Variants in SPRED3 observed in about 807,000 individuals in gnomAD.
SPRED3 encodes the protein sprouty related EVH1 domain containing 3.
In SPRED3, 23 loss-of-function variants were observed where a neutral mutation model predicts 37.6. The observed-to-expected ratio is 0.61, with a 90% CI of 0.44 to 0.87. The LOEUF (loss-of-function observed/expected upper bound fraction) is 0.87, where lower values mean the gene tolerates loss of function less well. Ranked by LOEUF, SPRED3 falls within the 40% of genes least tolerant of loss-of-function variation. The probability of loss-of-function intolerance (pLI) is 0.00; values close to 1 mark genes in which losing one functional copy is unlikely to be tolerated. For missense variants in SPRED3, 584 were observed against 618.6 expected, an observed-to-expected ratio of 0.94 and a Z score of 0.59; for synonymous variants, 302 against 279.6, an observed-to-expected ratio of 1.08 and a Z score of -0.80.
At chr19:38,393,185 G>A (rs1174184669) in intron 4 of SPRED3, among the ~76,000 whole-genome samples, 1 of 152,146 alleles carries the variant, frequency 6.6e-6, no homozygotes, top group African/African-American at 2.4e-5. Context: ...TTCTTTCAAG[G>A]CTTTATACAA....
intron 2 of SPRED3, among the ~76,000 whole-genome samples, chr19:38,391,177 T>C (rs1383423069): frequency 1.3e-5 from 2 of 151,452 alleles, no homozygotes; most frequent in Admixed American, 6.6e-5. Context: ...TGAAGGGGAA[T>C]CTGTGGAAGT....
chr19:38,391,402 A>G (rs1970831417), intron 2 of SPRED3, among the ~76,000 whole-genome samples: 1 of 152,148 alleles, frequency 6.6e-6, no homozygotes, highest in South Asian at 2.1e-4. Flanking sequence ...AGGATTCACA[A>G]TAATATTGTG....
At chr19:38,390,730 C>T (rs144127165) in intron 2 of SPRED3, among the ~76,000 whole-genome samples, 152 of 151,410 alleles carry the variant, frequency 1.0e-3, no homozygotes, top group African/African-American at 3.5e-3. Context: ...TCCTCCTCCC[C>T]GCTCCAACCC....
rs1970879013 is a variant in SPRED3, at chr19:38,395,110, G to A, written c.567+324G>A. Among the ~76,000 whole-genome samples, 1 of 152,166 alleles carries A rather than the reference G, an allele frequency of 6.6e-6. No homozygotes were observed. Among genetic ancestry groups the A allele is most frequent in the Admixed American group, 6.5e-5 (1 of 15,276 alleles). On this transcript the variant is annotated intron_variant, in intron 5 of 5. Transcript: ENST00000691638. This position sits in a 1 kb window ranked among gnomAD's most constrained non-coding sequence, Gnocchi z 5.2. ...GGAAGAGGACTGTTAAATTCACGGG[G>A]AGGGTGGGAGAGTCGGTACCCAGAA...
In SPRED3 at chr19:38,395,875, G is replaced by A. The variant is rs758268599; in HGVS notation, c.963G>A (p.Pro321=). 5 of 1,496,080 alleles carry A rather than the reference G, an allele frequency of 3.3e-6. No homozygotes were observed. Among genetic ancestry groups the A allele is most frequent in the Non-Finnish European group, 4.4e-6 (5 of 1,130,914 alleles). The allele number at this position is 1,496,080 out of a possible 1,614,324, so 92.7% of individuals were successfully genotyped here. The change falls in exon 6 of 6, where the codon CCG becomes CCA. Residue 321 remains proline, a synonymous_variant. Transcript: ENST00000691638. This position sits in a 1 kb window ranked among gnomAD's most constrained non-coding sequence, Gnocchi z 5.2. Reference sequence around the variant, plus strand: ...GCCGCTGCGCAGAGGCCCCGGACCCGGGTCGCCTCCTGGTGCGCCGTCTAA... The same window carrying A: ...GCCGCTGCGCAGAGGCCCCGGACCCAGGTCGCCTCCTGGTGCGCCGTCTAA... ...RGGRCAEAPD[P]GRLLVRRLSC...
rs1258825859 is a variant in SPRED3 at position 38,399,132 on chromosome 19, C to T, written c.*2987C>T. The stretch of plus-strand genomic sequence containing the variant: ...TTTTGGGGAGGGGTGGGACGGGGGA[C>T]CAGAGTGCTGTACGGTGCTGTGGGA... On this transcript the variant is annotated 3_prime_UTR_variant, in exon 6 of 6. Coordinates refer to ENST00000691638, the MANE Select transcript of SPRED3 (RefSeq NM_001394336.1). 1 of 152,200 alleles carries T rather than the reference C, an allele frequency of 6.6e-6. No homozygotes were observed. Among genetic ancestry groups the T allele is most frequent in the Non-Finnish European group, 1.5e-5 (1 of 68,066 alleles). The allele number at this position is 152,200 out of a possible 1,614,324, so 9.4% of individuals were successfully genotyped here.
intron 1 of SPRED3, chr19:38,390,063 C>G: frequency 2.6e-6 from 1 of 384,988 alleles, no homozygotes; most frequent in South Asian, 1.4e-4. Context: ...AGAGAAAGGG[C>G]AGACATGGAG....
intron 2 of SPRED3, 30 bp from the exon 3 acceptor site, chr19:38,391,916 A>G (rs374373393): frequency 1.4e-5 from 22 of 1,610,560 alleles, no homozygotes; most frequent in African/African-American, 4.0e-5. Flanking sequence ...GGGTTGGGGT[A>G]TCTGACCCTG....
chr19:38,394,394 T>C, intron 4 of SPRED3: 1 of 1,579,800 alleles, frequency 6.3e-7, no homozygotes, highest in Non-Finnish European at 8.7e-7. Context: ...GCTGTGCCCT[T>C]GACAGTGGCC....
chr19:38,391,324 GAAAAAA>G (rs769735728), intron 2 of SPRED3, among the ~76,000 whole-genome samples: 1 of 111,662 alleles, frequency 9.0e-6, no homozygotes, highest in Non-Finnish European at 1.9e-5. Flanking sequence ...AGCTCATCTG[GAAAAAA>G]AAAAAAAAAA....
At position 38,395,888 on chromosome 19, in the gene SPRED3, G is replaced by C; in HGVS notation, c.976G>C (p.Val326Leu). 2 of 1,501,946 alleles carry C rather than the reference G, an allele frequency of 1.3e-6. No homozygotes were observed. Among genetic ancestry groups the C allele is most frequent in the Non-Finnish European group, 1.8e-6 (2 of 1,134,008 alleles). The allele number at this position is 1,501,946 out of a possible 1,614,324, so 93.0% of individuals were successfully genotyped here. Residue 326 changes from valine to leucine, a missense_variant, in exon 6 of 6, where the codon GTG (valine) becomes CTG (leucine). Physicochemically the swap from Val to Leu is conservative, Grantham distance 32. Around this residue, in one of 7 missense-constraint regions of SPRED3, gnomAD observed 67 missense variants for 57.4 expected, o/e 1.17. Coordinates refer to ENST00000691638, the MANE Select transcript of SPRED3 (RefSeq NM_001394336.1). This position sits in a 1 kb window ranked among gnomAD's most constrained non-coding sequence, Gnocchi z 5.2. ...GGCCCCGGACCCGGGTCGCCTCCTG[G>C]TGCGCCGTCTAAGCTGCCTGTGGTG... The part of the protein sequence containing the change: ...AEAPDPGRLL[V>L]RRLSCLWCAE...
Position 38,395,414 on chromosome 19 carries a change from A to G in SPRED3, c.568-66A>G, listed in dbSNP as rs549235257. On this transcript the variant is annotated intron_variant, in intron 5 of 5. Transcript: ENST00000691638. The surrounding 1 kb of genome is among the most constrained non-coding windows in gnomAD (Gnocchi z 5.2). ...TGAATCCCAGACCCAAGAGTGCGCTAGGGAACTGGATCCTTGAGGCTAAGA... is the reference window on the plus strand; with the variant it reads ...TGAATCCCAGACCCAAGAGTGCGCTGGGGAACTGGATCCTTGAGGCTAAGA... 2 of 1,340,022 alleles carry G rather than the reference A, an allele frequency of 1.5e-6. No individual in the cohort carries two copies. Among genetic ancestry groups the G allele is most frequent in the South Asian group, 3.5e-5 (2 of 56,792 alleles). The allele number at this position is 1,340,022 out of a possible 1,614,324, so 83.0% of individuals were successfully genotyped here.
At chr19:38,394,433 T>C in intron 4 of SPRED3, 1 of 1,511,344 alleles carries the variant, frequency 6.6e-7, no homozygotes, top group Non-Finnish European at 9.2e-7. Flanking sequence ...ATAGGTACTC[T>C]TAGGATCCCC....
intron 2 of SPRED3, 85 bp downstream of exon 2, chr19:38,390,564 G>T (rs1010870445): frequency 1.4e-5 from 16 of 1,116,678 alleles, no homozygotes; most frequent in Non-Finnish European, 1.9e-5. Context: ...AGGTCAGGTT[G>T]CCTCCCAGCC....
In SPRED3 at chr19:38,396,110, G is replaced by C; in HGVS notation, c.1198G>C (p.Gly400Arg). Residue 400 changes from glycine to arginine, a missense_variant, in exon 6 of 6, where the codon GGC (glycine) becomes CGC (arginine). Around this residue, in one of 7 missense-constraint regions of SPRED3, gnomAD observed 85 missense variants for 117.8 expected, o/e 0.72. Coordinates refer to ENST00000691638, the MANE Select transcript of SPRED3 (RefSeq NM_001394336.1). ...HWVAARCGCAGCGGRHEEAAR is the reference protein window; with the variant it reads ...HWVAARCGCARCGGRHEEAAR ...GGTCGCAGCGCGATGCGGCTGCGCC[G>C]GCTGCGGGGGTCGCCACGAGGAGGC... 7.8e-7 allele frequency: 1 copy of C among 1,287,228 alleles called. No homozygotes were observed. The highest frequency in any genetic ancestry group is 9.8e-7 in the Non-Finnish European group (1 of 1,020,992). 79.7% of individuals were successfully genotyped at this position (1,287,228 alleles called of 1,614,324 possible).
At position 38,391,959 on chromosome 19, in the gene SPRED3, G is replaced by A; in HGVS notation, c.191G>A (p.Cys64Tyr). The A allele has an allele frequency of 6.2e-7, 1 of 1,614,128 alleles. No homozygotes were observed. Among genetic ancestry groups the A allele is most frequent in the Non-Finnish European group, 8.5e-7 (1 of 1,180,022 alleles). Residue 64 changes from cysteine (C) to tyrosine (Y), a missense_variant, in exon 3 of 6, where the codon TGT becomes TAT. Physicochemically the swap from Cys to Tyr is radical, Grantham distance 194 (BLOSUM62 -2). Coordinates refer to ENST00000691638, the MANE Select transcript of SPRED3 (RefSeq NM_001394336.1). ...RLRDQKTTLE[C>Y]TLKPGLVYNK... ...TCTGCCCCTCAGACAACCTTGGAGT[G>A]TACACTGAAGCCAGGCTTGGTTTAC... is the stretch of plus-strand genomic sequence containing the variant.
At chr19:38,392,535 G>A (rs978530891) in intron 4 of SPRED3, 1 of 404,620 alleles carries the variant, frequency 2.5e-6, no homozygotes, top group Non-Finnish European at 4.3e-6. Context: ...TTAGGCACTG[G>A]GTTACATCAG....
chr19:38,390,374 G>A lies in SPRED3; in HGVS notation c.72G>A (p.Gly24=), dbSNP rs1970812838. The change falls in exon 2 of 6, where the codon GGG becomes GGA. Residue 24 remains glycine, a synonymous_variant. Coordinates refer to ENST00000691638, the MANE Select transcript of SPRED3 (RefSeq NM_001394336.1). The part of the protein sequence containing the change: ...SSGGWLPVGG[G]GLSQVSVCRV... ...GGGGCTGGCTGCCTGTGGGGGGCGGGGGCCTCAGCCAGGTGAGCGTGTGTC... is the reference window on the plus strand; with the variant it reads ...GGGGCTGGCTGCCTGTGGGGGGCGGAGGCCTCAGCCAGGTGAGCGTGTGTC... The A allele has an allele frequency of 7.2e-7, 1 of 1,392,866 alleles. No individual in the cohort carries two copies. Among genetic ancestry groups the A allele is most frequent in the Non-Finnish European group, 9.4e-7 (1 of 1,068,064 alleles). 86.3% of individuals were successfully genotyped at this position (1,392,866 alleles called of 1,614,324 possible).
rs1468727957 is a variant in SPRED3, at chr19:38,394,491, C to T, written c.424-152C>T. 8.6e-6 allele frequency: 13 copies of T among 1,508,830 alleles called. No homozygotes were observed. The African/African-American group carries it at 1.1e-4, about 13-fold the overall frequency. 93.5% of individuals were successfully genotyped at this position (1,508,830 alleles called of 1,614,324 possible). ...GGCTCAAAGAGGTGAGCTCACTTGC[C>T]GGAGGTCACACAACCAGTCAGTGAC... On this transcript the variant is annotated intron_variant, in intron 4 of 5. Transcript: ENST00000691638.
Sources: gnomAD v4.1 joint callset for allele counts (sites outside exome capture counted in the v4.1 genomes callset) on GRCh38, gnomAD v4.1.1 for gene constraint, gnomAD v4.1.1 regional missense constraint, Gnocchi (gnomAD v3.1) non-coding constraint, MANE v1.5 for transcripts, NCBI Gene and HGNC (gene_info 2026-07-23, HGNC 2026-07-21) for gene names.